Variants in SCNN1B observed in about 807,000 individuals in gnomAD.
SCNN1B encodes sodium channel epithelial 1 subunit beta.
Under a neutral mutation model 65.3 loss-of-function variants are expected in SCNN1B, and 46 were observed. The observed-to-expected ratio is 0.70, with a 90% confidence interval of 0.56 to 0.90. The LOEUF is 0.90. Ranked by LOEUF, SCNN1B falls within the 40% of genes least tolerant of loss-of-function variation. The pLI is 0.00. For synonymous variants in SCNN1B, 349 were observed against 330.6 expected (o/e 1.06, Z -0.60); for missense variants, 751 against 830.5 (o/e 0.90, Z 1.18).
chr16:23,351,835 CT>C (rs769776021), intron 2 of SCNN1B, among the ~76,000 whole-genome samples: 2 of 152,214 alleles, frequency 1.3e-5, no homozygotes, highest in African/African-American at 2.4e-5. Context: ...TTCATTTTCT[CT>C]CTCTTGAAAC....
chr16:23,368,727 A>G (rs891792516), intron 5 of SCNN1B, among the ~76,000 whole-genome samples: 2 of 152,210 alleles, frequency 1.3e-5, no homozygotes, highest in Non-Finnish European at 1.5e-5. Context: ...GAAGTAGGGA[A>G]TGCTCCATAT....
At chr16:23,306,475 C>T (rs1299155651) in intron 1 of SCNN1B, among the ~76,000 whole-genome samples, 1 of 152,010 alleles carries the variant, frequency 6.6e-6, no homozygotes, top group Admixed American at 6.6e-5. Context: ...CCTGCCTGGC[C>T]CCTGTAACAG....
intron 11 of SCNN1B, 54 bp downstream of exon 11, chr16:23,378,821 C>A: frequency 6.5e-7 from 1 of 1,549,248 alleles, no homozygotes; most frequent in Non-Finnish European, 8.9e-7. Context: ...TCCAGAAACT[C>A]GGGGCAGGAG....
intron 7 of SCNN1B, chr16:23,372,093 G>A: frequency 3.2e-6 from 2 of 625,660 alleles, no homozygotes; most frequent in Non-Finnish European, 5.8e-6. Context: ...TCCCCACATT[G>A]GCAGGTGTAC....
intron 5 of SCNN1B, among the ~76,000 whole-genome samples, chr16:23,370,517 G>A (rs980993949): frequency 2.6e-5 from 4 of 152,194 alleles, no homozygotes; most frequent in Non-Finnish European, 5.9e-5. Flanking sequence ...GCTCAGGACC[G>A]TGGTGCGTGG....
At chr16:23,300,101 A>AG (rs1961052339), upstream of SCNN1B, among the ~76,000 whole-genome samples, 1 of 152,196 alleles carries the variant, frequency 6.6e-6, no homozygotes, top group Non-Finnish European at 1.5e-5. Flanking sequence ...ACAGAAAACC[A>AG]AACACTGCAT....
chr16:23,319,668 C>T (rs1961547175), intron 1 of SCNN1B, among the ~76,000 whole-genome samples: 1 of 152,218 alleles, frequency 6.6e-6, no homozygotes, highest in African/African-American at 2.4e-5. Context: ...TAAAATACTG[C>T]TGCCTGGCCC....
At chr16:23,332,363 T>A (rs1961831489) in intron 1 of SCNN1B, among the ~76,000 whole-genome samples, 3 of 151,964 alleles carry the variant, frequency 2.0e-5, no homozygotes, top group Non-Finnish European at 4.4e-5. Context: ...GCCCAGCTAA[T>A]TTTTTGTATA....
At chr16:23,341,096 C>T (rs1464918302) in intron 1 of SCNN1B, among the ~76,000 whole-genome samples, 1 of 152,150 alleles carries the variant, frequency 6.6e-6, no homozygotes, top group Non-Finnish European at 1.5e-5. Flanking sequence ...GGTTAATTGA[C>T]ATCTTAACAA....
At chr16:23,355,694 G>A (rs953007442) in intron 4 of SCNN1B, among the ~76,000 whole-genome samples, 4 of 152,148 alleles carry the variant, frequency 2.6e-5, no homozygotes, top group Admixed American at 2.0e-4. Flanking sequence ...AAGAGCTCGC[G>A]AAGCATTGAG....
intron 4 of SCNN1B, among the ~76,000 whole-genome samples, chr16:23,356,092 C>T (rs1962415052): frequency 6.6e-6 from 1 of 152,110 alleles, no homozygotes; most frequent in Admixed American, 6.5e-5. Context: ...TTCTGCGTGC[C>T]CCGTGAGCTG....
At position 23,378,726 on chromosome 16, in the gene SCNN1B, G is replaced by A. The variant is rs760610053; in HGVS notation, c.1425G>A (p.Leu475=). The change falls in exon 11 of 13, where the codon TTG becomes TTA. Residue 475 remains leucine (L), a synonymous_variant. Transcript: ENST00000343070. ...EASEDWIFHV[L]SQERDQSTNI... is the part of the protein sequence containing the mutation. ...TCCAGGACTGGATTTTCCACGTCTT[G>A]TCTCAGGAGCGGGACCAAAGCACCA... The A allele has an allele frequency of 2.9e-5, 47 of 1,614,038 alleles. No homozygotes were observed. Among genetic ancestry groups the A allele is most frequent in the Non-Finnish European group, 3.7e-5 (44 of 1,180,042 alleles).
chr16:23,315,809 C>T (rs1285803699), intron 1 of SCNN1B, among the ~76,000 whole-genome samples: 1 of 152,116 alleles, frequency 6.6e-6, no homozygotes, highest in African/African-American at 2.4e-5. Flanking sequence ...GTCTCTTAAA[C>T]GAAGTACAGG....
chr16:23,332,227 G>A (rs145578213), intron 1 of SCNN1B, among the ~76,000 whole-genome samples: 2,296 of 150,240 alleles, frequency 0.015, 63 homozygotes, highest in African/African-American at 0.05. Context: ...ATGGAGTCTC[G>A]CTCTGTTGCC....
chr16:23,339,628 C>T (rs1410885086), intron 1 of SCNN1B, among the ~76,000 whole-genome samples: 3 of 151,436 alleles, frequency 2.0e-5, no homozygotes, highest in Non-Finnish European at 2.9e-5. Flanking sequence ...TGCAATGGCA[C>T]GATCTCGACT....
rs780118963 is a variant in SCNN1B at position 23,348,961 on chromosome 16, TTCTC to T, written c.311+55_311+58del. The T allele has an allele frequency of 6.9e-7, 1 of 1,439,162 alleles. No homozygotes were observed. 89.1% of individuals were successfully genotyped at this position (1,439,162 alleles called of 1,614,324 possible). A position where few individuals can be genotyped will look rare whatever the true frequency, so the allele number is the denominator to read the frequency against. ...GGCCTCAGCAGACAGGCGGTTCTCT[TTCTC>T]TCTTTTCTTCCCTTCTACCTTTCCT... is the stretch of plus-strand genomic sequence containing the variant. On this transcript the variant is annotated intron_variant, in intron 2 of 12. Transcript: ENST00000343070. The surrounding 1 kb of genome is among the most constrained non-coding windows in gnomAD (Gnocchi z 4.5).
At chr16:23,352,321 A>G (rs1337609718) in intron 2 of SCNN1B, among the ~76,000 whole-genome samples, 2 of 152,170 alleles carry the variant, frequency 1.3e-5, no homozygotes, top group African/African-American at 4.8e-5. Flanking sequence ...CTTCTTATAC[A>G]TAGTGGCAGC....
At chr16:23,366,134 C>A (rs762941585) in intron 4 of SCNN1B, among the ~76,000 whole-genome samples, 1 of 152,178 alleles carries the variant, frequency 6.6e-6, no homozygotes, top group African/African-American at 2.4e-5. Context: ...TGGCAGGTGA[C>A]GTTTTATGTG....
intron 4 of SCNN1B, among the ~76,000 whole-genome samples, chr16:23,357,334 A>G (rs1962440810): frequency 1.3e-5 from 2 of 152,336 alleles, no homozygotes; most frequent in East Asian, 1.9e-4. Context: ...TGTAAGCCCA[A>G]CACTTTGGGA....
Sources: allele counts gnomAD v4.1 joint callset (sites outside exome capture counted in the v4.1 genomes callset), GRCh38; gene constraint gnomAD v4.1.1; non-coding constraint Gnocchi (gnomAD v3.1); transcripts MANE v1.5; gene names NCBI Gene and HGNC (gene_info 2026-07-23, HGNC 2026-07-21).